Variants in NLRP13 observed in about 807,000 individuals in gnomAD.
The protein encoded by NLRP13 is NACHT, LRR and PYD domains-containing protein 13.
NLRP13 carries 82 observed loss-of-function variants against 94.4 expected under a neutral mutation model. The observed-to-expected ratio is 0.87, with a 90% CI of 0.73 to 1.04. NLRP13 has a LOEUF of 1.04. NLRP13 is among the 50% of genes least tolerant of loss of function. NLRP13 has a pLI of 0.00. For missense variants in NLRP13, 1,426 were observed against 1,230.8 expected, an observed-to-expected ratio of 1.16 and a Z score of -2.37; for synonymous variants, 553 against 464.7, an observed-to-expected ratio of 1.19 and a Z score of -2.45.
At chr19:55,895,533 A>C (rs993521344), downstream of NLRP13, among the ~76,000 whole-genome samples, 6 of 152,090 alleles carry the variant, frequency 3.9e-5, no homozygotes, top group Non-Finnish European at 7.3e-5. Flanking sequence ...AAATACAAAA[A>C]TTAGCTGGGC....
chr19:55,919,756 A>G (rs1363097630), intron 4 of NLRP13, among the ~76,000 whole-genome samples: 2 of 152,074 alleles, frequency 1.3e-5, no homozygotes. Flanking sequence ...AGATGACCAT[A>G]TTTTCCAATA....
chr19:55,903,284 G>C (rs903142492), intron 8 of NLRP13, among the ~76,000 whole-genome samples: 5 of 152,112 alleles, frequency 3.3e-5, no homozygotes, highest in Non-Finnish European at 7.4e-5. Context: ...AATGAGCAGT[G>C]AACTGGCAAA....
At chr19:55,931,971 C>T (rs1436680931) in intron 1 of NLRP13, 22 bp downstream of exon 1, 1 of 1,609,870 alleles carries the variant, frequency 6.2e-7, no homozygotes, top group Non-Finnish European at 8.5e-7. Flanking sequence ...GCCCTCCCGC[C>T]TTCCTTCTTG....
chr19:55,908,034 G>A (rs548281122), intron 6 of NLRP13, 78 bp from the exon 7 acceptor site: 14 of 1,315,112 alleles, frequency 1.1e-5, no homozygotes, highest in Non-Finnish European at 1.4e-5. Flanking sequence ...TCCTCACCCT[G>A]CCTTCTACTA....
intron 1 of NLRP13, among the ~76,000 whole-genome samples, chr19:55,928,162 A>T (rs1031541463): frequency 3.9e-5 from 6 of 152,170 alleles, no homozygotes; most frequent in African/African-American, 4.8e-5. Flanking sequence ...TTAGAAGGCC[A>T]AGTAGGAACA....
At chr19:55,931,144 T>C (rs1987122288) in intron 1 of NLRP13, among the ~76,000 whole-genome samples, 3 of 151,806 alleles carry the variant, frequency 2.0e-5, no homozygotes, top group Admixed American at 2.0e-4. Flanking sequence ...AGAACAATGA[T>C]CTGAAATCAG....
At chr19:55,892,210 G>T (rs898429734), downstream of NLRP13, 13 of 977,012 alleles carry the variant, frequency 1.3e-5, no homozygotes, top group Non-Finnish European at 1.7e-5. Flanking sequence ...ACACGTACAG[G>T]TTTGTTACAT....
At chr19:55,893,086 T>C (rs957919052), downstream of NLRP13, among the ~76,000 whole-genome samples, 2 of 152,134 alleles carry the variant, frequency 1.3e-5, no homozygotes, top group African/African-American at 4.8e-5. Flanking sequence ...AATTGCCATT[T>C]TTGCCATTAA....
In NLRP13 at chr19:55,896,081, T is replaced by C. The variant is rs1986000297; in HGVS notation, c.2996A>G (p.His999Arg). The change falls in exon 11 of 11, where the codon CAT becomes CGT. Residue 999 changes from histidine to arginine, a missense_variant. Transcript: ENST00000342929. ...ACTGCTGCTGAGAACAGAGAAGAGA[T>C]GCTGGCAGCAAGCAGTTGTCAGATT... Reference protein sequence around the residue: ...KCNLTTACCQHLFSVLSSSKS... With the variant: ...KCNLTTACCQRLFSVLSSSKS... 4 of 1,614,098 alleles carry C rather than the reference T, an allele frequency of 2.5e-6. No homozygotes were observed. Among genetic ancestry groups the C allele is most frequent in the Middle Eastern group, 1.7e-4 (1 of 6,060 alleles).
At chr19:55,927,588 C>A (rs535972851) in intron 1 of NLRP13, among the ~76,000 whole-genome samples, 1 of 151,820 alleles carries the variant, frequency 6.6e-6, no homozygotes, top group African/African-American at 2.4e-5. Context: ...TGAGGTGACA[C>A]TCTCCCAGCT....
chr19:55,929,962 C>T (rs976023501), intron 1 of NLRP13, among the ~76,000 whole-genome samples: 2 of 152,066 alleles, frequency 1.3e-5, no homozygotes, highest in African/African-American at 4.8e-5. Flanking sequence ...TTACATCTGC[C>T]TATTCCAAAC....
In NLRP13 at chr19:55,907,898, T is replaced by C. The variant is rs1986398823; in HGVS notation, c.2341A>G (p.Asn781Asp). The change falls in exon 7 of 11, where the codon AAC (asparagine) becomes GAC (aspartate). Residue 781 changes from asparagine (N) to aspartate (D), a missense_variant. Physicochemically the swap from Asn to Asp is conservative, Grantham distance 23 (BLOSUM62 1). Coordinates refer to ENST00000342929, the MANE Select transcript of NLRP13 (RefSeq NM_176810.2). Reference protein sequence around the residue: ...LQDLIIALQGNSKLTHLNFSS... With the variant: ...LQDLIIALQGDSKLTHLNFSS... ...AAGTTCAGATGGGTCAGCTTGCTGT[T>C]ACCCTGAAGGGCAATAATGAGGTCC... 2.5e-6 allele frequency: 4 copies of C among 1,613,612 alleles called. No individual in the cohort carries two copies. The highest frequency in any genetic ancestry group is 3.4e-6 in the Non-Finnish European group (4 of 1,179,728).
intron 7 of NLRP13, among the ~76,000 whole-genome samples, chr19:55,906,477 C>T (rs1038806601): frequency 6.6e-6 from 1 of 152,058 alleles, no homozygotes; most frequent in Non-Finnish European, 1.5e-5. Context: ...ACTGCCACCC[C>T]CACTGTGCCA....
At chr19:55,916,975 A>C (rs1217010370) in intron 4 of NLRP13, among the ~76,000 whole-genome samples, 1 of 152,162 alleles carries the variant, frequency 6.6e-6, no homozygotes, top group Admixed American at 6.5e-5. Flanking sequence ...AAGAGAAAAT[A>C]ATCTAGTCAC....
At chr19:55,900,668 C>T (rs1370817651) in intron 9 of NLRP13, among the ~76,000 whole-genome samples, 4 of 150,476 alleles carry the variant, frequency 2.7e-5, no homozygotes, top group Non-Finnish European at 4.4e-5. Flanking sequence ...CCCAGCTACA[C>T]GGGAGGCTGA....
Position 55,913,181 on chromosome 19 carries a change from A to T in NLRP13, c.636T>A (p.His212Gln). Residue 212 changes from histidine to glutamine, a missense_variant, in exon 5 of 11, where the codon CAT (histidine) becomes CAA (glutamine). Coordinates refer to ENST00000342929, the MANE Select transcript of NLRP13 (RefSeq NM_176810.2). ...GATCCAGTAGGCGCTGCAGTTCCTC[A>T]TGTTCGTCCTTTGATGTATTACGGA... ...VYIRNTSKDE[H>Q]EELQRLLDPN... The T allele has an allele frequency of 3.1e-6, 5 of 1,614,026 alleles. No homozygotes were observed. The highest frequency in any genetic ancestry group is 4.2e-6 in the Non-Finnish European group (5 of 1,180,006).
At chr19:55,907,977 G>C (rs1283071801) in intron 6 of NLRP13, 21 bp from the exon 7 acceptor site, 1 of 1,584,708 alleles carries the variant, frequency 6.3e-7, no homozygotes, top group African/African-American at 1.4e-5. Flanking sequence ...GAAGGGACAT[G>C]AAAGCTGGAT....
At chr19:55,918,134 A>G (rs914261121) in intron 4 of NLRP13, among the ~76,000 whole-genome samples, 6 of 152,130 alleles carry the variant, frequency 3.9e-5, no homozygotes, top group East Asian at 1.9e-4. Context: ...GCAAATGCAC[A>G]GAAATTAAAC....
intron 4 of NLRP13, among the ~76,000 whole-genome samples, chr19:55,923,493 G>A (rs1045026758): frequency 3.3e-5 from 5 of 152,158 alleles, no homozygotes; most frequent in Middle Eastern, 6.3e-3. Flanking sequence ...CCCACGCGCA[G>A]GAGTAGGGGG....
Sources: gnomAD v4.1 joint callset for allele counts (sites outside exome capture counted in the v4.1 genomes callset) on GRCh38, gnomAD v4.1.1 for gene constraint, MANE v1.5 for transcripts, NCBI Gene and HGNC (gene_info 2026-07-23, HGNC 2026-07-21) for gene names.